DAB1: variants seen among roughly 807,000 people sequenced by gnomAD.
DAB1 encodes the protein DAB adaptor protein 1.
Under a neutral mutation model 64.6 loss-of-function variants are expected in DAB1, and 15 were observed. That is an observed-to-expected ratio of 0.23 (90% CI 0.16 to 0.36). The LOEUF (loss-of-function observed/expected upper bound fraction) is 0.36, where lower values mean the gene tolerates loss of function less well. DAB1 is among the 10% of genes least tolerant of loss of function. The pLI is 1.00. For synonymous variants in DAB1, 235 were observed against 251.9 expected (o/e 0.93, Z 0.64); for missense variants, 596 against 706.7 (o/e 0.84, Z 1.78).
At chr1:58,249,502 G>A (rs1375559846) in intron 4 of DAB1, among the ~76,000 whole-genome samples, 1 of 152,030 alleles carries the variant, frequency 6.6e-6, no homozygotes, top group Non-Finnish European at 1.5e-5. Flanking sequence ...GCATGCGTCC[G>A]GATGGCGGGA....
chr1:57,053,756 C>T (rs1014708512), intron 9 of DAB1, among the ~76,000 whole-genome samples: 1 of 143,372 alleles, frequency 7.0e-6, no homozygotes. Flanking sequence ...GGCATGATCT[C>T]GGCTCACTGA....
At chr1:58,191,968 A>G (rs755326924) in intron 4 of DAB1, among the ~76,000 whole-genome samples, 1 of 152,192 alleles carries the variant, frequency 6.6e-6, no homozygotes, top group Non-Finnish European at 1.5e-5. Flanking sequence ...GTCTAACACC[A>G]CCTTTGCTTT....
chr1:58,204,199 A>G (rs1159511047), intron 4 of DAB1, among the ~76,000 whole-genome samples: 1 of 152,218 alleles, frequency 6.6e-6, no homozygotes, highest in Non-Finnish European at 1.5e-5. Flanking sequence ...AAAGTTTGAA[A>G]GAATTGGAAA....
intron 5 of DAB1, among the ~76,000 whole-genome samples, chr1:57,922,891 C>T (rs1469129405): frequency 6.7e-6 from 1 of 149,938 alleles, no homozygotes; most frequent in African/African-American, 2.5e-5. Context: ...TTTAAAGACC[C>T]TATTTCTCTT....
chr1:57,462,073 C>T (rs2101182152), intron 7 of DAB1, among the ~76,000 whole-genome samples: 1 of 151,218 alleles, frequency 6.6e-6, no homozygotes, highest in East Asian at 2.0e-4. Flanking sequence ...CCTGCCTCAG[C>T]CTCCCAAGTA....
intron 5 of DAB1, among the ~76,000 whole-genome samples, chr1:58,059,302 T>A (rs1648341604): frequency 6.6e-6 from 1 of 152,198 alleles, no homozygotes. Context: ...CATAGGGAAG[T>A]CACTGCAACC....
intron 1 of DAB1, among the ~76,000 whole-genome samples, chr1:58,532,570 C>G (rs2100478406): frequency 6.6e-6 from 1 of 152,264 alleles, no homozygotes; most frequent in Non-Finnish European, 1.5e-5. Flanking sequence ...CTCTGTCACC[C>G]AGGCTAGAGT....
chr1:58,121,583 T>C (rs992273046), intron 5 of DAB1, among the ~76,000 whole-genome samples: 1 of 152,172 alleles, frequency 6.6e-6, no homozygotes, highest in African/African-American at 2.4e-5. Flanking sequence ...TTCTTAGTTC[T>C]GCCAGCATGA....
At chr1:58,465,328 C>T (rs1645285504) in intron 3 of DAB1, among the ~76,000 whole-genome samples, 1 of 152,166 alleles carries the variant, frequency 6.6e-6, no homozygotes, top group South Asian at 2.1e-4. Flanking sequence ...GTGGCTGACC[C>T]TGGGTTTGAG....
chr1:57,331,028 C>T (rs1363059084), intron 1 of DAB1, among the ~76,000 whole-genome samples: 1 of 152,114 alleles, frequency 6.6e-6, no homozygotes, highest in African/African-American at 2.4e-5. Flanking sequence ...TACCAAAGTA[C>T]CTTGATCCTC....
intron 2 of DAB1, among the ~76,000 whole-genome samples, chr1:57,231,173 A>C (rs532142939): frequency 3.5e-4 from 53 of 152,336 alleles, no homozygotes; most frequent in East Asian, 1.3e-3. Context: ...AGCGAAGCCC[A>C]CATATACAAA....
At chr1:57,476,282 G>A (rs1558416298) in intron 7 of DAB1, among the ~76,000 whole-genome samples, 1 of 151,030 alleles carries the variant, frequency 6.6e-6, no homozygotes, top group African/African-American at 2.4e-5. Flanking sequence ...GTCATGAATG[G>A]AAAATGGGGA....
chr1:57,677,531 C>T (rs1646582356), intron 6 of DAB1, among the ~76,000 whole-genome samples: 1 of 152,188 alleles, frequency 6.6e-6, no homozygotes, highest in African/African-American at 2.4e-5. Flanking sequence ...TCTGGACCGC[C>T]ACAACACTAT....
At chr1:57,593,056 A>T (rs1482377715) in intron 7 of DAB1, among the ~76,000 whole-genome samples, 1 of 152,178 alleles carries the variant, frequency 6.6e-6, no homozygotes, top group East Asian at 1.9e-4. Context: ...GGCATTAGGT[A>T]CGTTCACATT....
chr1:58,206,422 G>T (rs1237837214), intron 4 of DAB1, among the ~76,000 whole-genome samples: 3 of 152,132 alleles, frequency 2.0e-5, no homozygotes, highest in African/African-American at 7.2e-5. Flanking sequence ...TTTTTTTAAG[G>T]AATAGAATGG....
intron 3 of DAB1, among the ~76,000 whole-genome samples, chr1:58,363,421 C>T (rs1293236017): frequency 6.6e-6 from 1 of 152,164 alleles, no homozygotes; most frequent in African/African-American, 2.4e-5. Context: ...ATATGTGAAG[C>T]TGCAGCGAGG....
At chr1:57,614,948 G>A (rs1406885958) in intron 7 of DAB1, among the ~76,000 whole-genome samples, 1 of 135,422 alleles carries the variant, frequency 7.4e-6, no homozygotes, top group Non-Finnish European at 1.5e-5. Context: ...TCGGCTCACT[G>A]CAAACTCCCT....
At chr1:58,171,987 A>C (rs567875628) in intron 4 of DAB1, among the ~76,000 whole-genome samples, 1 of 152,356 alleles carries the variant, frequency 6.6e-6, no homozygotes, top group East Asian at 1.9e-4. Flanking sequence ...CCTCACCCTA[A>C]GACATTAAAA....
intron 3 of DAB1, among the ~76,000 whole-genome samples, chr1:58,403,060 A>G (rs1428973075): frequency 6.6e-6 from 1 of 152,142 alleles, no homozygotes; most frequent in Non-Finnish European, 1.5e-5. Flanking sequence ...AAAAACAGGG[A>G]ATTTCGACCT....
Sources: allele counts gnomAD v4.1 joint callset (sites outside exome capture counted in the v4.1 genomes callset), GRCh38; gene constraint gnomAD v4.1.1; transcripts MANE v1.5; gene names NCBI Gene and HGNC (gene_info 2026-07-23, HGNC 2026-07-21).